Variants in ANO3 observed in about 807,000 individuals in gnomAD.
ANO3 encodes anoctamin-3.
Under a neutral mutation model 144.8 loss-of-function variants are expected in ANO3, and 99 were observed. The ratio of observed to expected loss-of-function variants is 0.68; its 90% confidence interval spans 0.58 to 0.81. ANO3 has a LOEUF of 0.81. Ranked by LOEUF, ANO3 falls within the 30% of genes least tolerant of loss-of-function variation. The pLI, the probability that ANO3 is intolerant of heterozygous loss-of-function variation, is 0.00. For missense variants in ANO3, 905 were observed against 1,202.2 expected (o/e 0.75, Z 3.66); for synonymous variants, 414 against 392.6 (o/e 1.05, Z -0.64).
At chr11:26,200,517 A>G (rs1226484801) in intron 1 of ANO3, among the ~76,000 whole-genome samples, 1 of 152,108 alleles carries the variant, frequency 6.6e-6, no homozygotes, top group African/African-American at 2.4e-5. Context: ...TCTGTGCCAC[A>G]CTGGGTTAAG....
intron 4 of ANO3, among the ~76,000 whole-genome samples, chr11:26,486,612 A>G (rs1413100468): frequency 6.6e-6 from 1 of 152,224 alleles, no homozygotes; most frequent in Non-Finnish European, 1.5e-5. Context: ...ACAAGAAGCT[A>G]TACAAGATAC....
At chr11:26,493,777 G>T (rs1216960243) in intron 4 of ANO3, among the ~76,000 whole-genome samples, 1 of 152,060 alleles carries the variant, frequency 6.6e-6, no homozygotes, top group Non-Finnish European at 1.5e-5. Flanking sequence ...CTTCTTGTTT[G>T]CAGCCCTCAG....
chr11:26,649,127 T>C (rs1565165781), intron 24 of ANO3, among the ~76,000 whole-genome samples: 1 of 152,136 alleles, frequency 6.6e-6, no homozygotes, highest in Non-Finnish European at 1.5e-5. Context: ...ATTTTAGAGA[T>C]AATTGAAAAT....
At chr11:26,355,221 T>A (rs1025914911) in intron 1 of ANO3, among the ~76,000 whole-genome samples, 1 of 152,146 alleles carries the variant, frequency 6.6e-6, no homozygotes, top group African/African-American at 2.4e-5. Context: ...AGCAGCTTAT[T>A]GAAAAACAGT....
chr11:26,641,935 G>T lies in ANO3; in HGVS notation c.2181G>T (p.Arg727=). ...GGTGGTCACGACATAAAATCAAGCG[G>T]GGAATACATGATGCTTCCATACCTC... ...QNWWSRHKIK[R]GIHDASIPQW... is the part of the protein sequence containing the mutation. Residue 727 remains arginine (R), a synonymous_variant, in exon 22 of 27, where the codon CGG becomes CGT. Transcript: ENST00000256737. 6.2e-7 allele frequency: 1 copy of T among 1,613,908 alleles called. No individual in the cohort carries two copies. Among genetic ancestry groups the T allele is most frequent in the Non-Finnish European group, 8.5e-7 (1 of 1,179,944 alleles).
At chr11:26,522,350 T>G (rs1035088752) in intron 6 of ANO3, among the ~76,000 whole-genome samples, 1 of 152,156 alleles carries the variant, frequency 6.6e-6, no homozygotes, top group African/African-American at 2.4e-5. Context: ...GGGTCAGGAT[T>G]TCACTCATTT....
chr11:26,550,036 T>C (rs983463524), intron 12 of ANO3, among the ~76,000 whole-genome samples: 1 of 151,706 alleles, frequency 6.6e-6, no homozygotes, highest in African/African-American at 2.4e-5. Flanking sequence ...CAGTTAGATA[T>C]CCCCATACAA....
intron 17 of ANO3, among the ~76,000 whole-genome samples, chr11:26,601,970 G>A (rs1010535885): frequency 6.6e-6 from 1 of 152,106 alleles, no homozygotes; most frequent in South Asian, 2.1e-4. Flanking sequence ...GAAGAATTCA[G>A]TGAAAAATGC....
At chr11:26,567,091 C>T in intron 14 of ANO3, 1 of 1,480,658 alleles carries the variant, frequency 6.8e-7, no homozygotes. Flanking sequence ...TGTATTATGC[C>T]CATTTTGCAG....
chr11:26,327,672 A>G (rs529155860), upstream of ANO3, among the ~76,000 whole-genome samples: 2 of 152,360 alleles, frequency 1.3e-5, no homozygotes, highest in East Asian at 3.9e-4. Flanking sequence ...TTTTTGTTTA[A>G]ATAAATTAAA....
intron 18 of ANO3, among the ~76,000 whole-genome samples, chr11:26,629,495 G>T (rs1178537816): frequency 6.6e-6 from 1 of 151,980 alleles, no homozygotes; most frequent in Non-Finnish European, 1.5e-5. Context: ...CAATCCTTAG[G>T]TACAAAGTTT....
At chr11:26,499,746 T>C (rs1455305697) in intron 4 of ANO3, among the ~76,000 whole-genome samples, 4 of 151,956 alleles carry the variant, frequency 2.6e-5, no homozygotes, top group Non-Finnish European at 5.9e-5. Context: ...TAAGATATAG[T>C]CTCATGCATT....
chr11:26,630,345 C>T (rs895358375), intron 18 of ANO3, among the ~76,000 whole-genome samples: 14 of 152,188 alleles, frequency 9.2e-5, no homozygotes, highest in Non-Finnish European at 1.8e-4. Context: ...ATTTGGAGTA[C>T]TTTACATCTT....
At chr11:26,292,215 T>C (rs1853975239) in intron 1 of ANO3, among the ~76,000 whole-genome samples, 1 of 152,192 alleles carries the variant, frequency 6.6e-6, no homozygotes, top group African/African-American at 2.4e-5. Context: ...TACTGACACT[T>C]GTGCATGCAT....
At chr11:26,466,609 A>T (rs1252667583) in intron 4 of ANO3, among the ~76,000 whole-genome samples, 2 of 152,132 alleles carry the variant, frequency 1.3e-5, no homozygotes, top group East Asian at 3.9e-4. Flanking sequence ...CCAGAGGCTC[A>T]TAAGCACAGT....
intron 4 of ANO3, among the ~76,000 whole-genome samples, chr11:26,470,356 G>A (rs1294799783): frequency 2.0e-5 from 3 of 150,770 alleles, no homozygotes; most frequent in Non-Finnish European, 4.4e-5. Flanking sequence ...AGGCTACAGT[G>A]AGCCATGGTT....
chr11:26,456,078 A>G (rs1174764549), intron 3 of ANO3, among the ~76,000 whole-genome samples: 2 of 151,914 alleles, frequency 1.3e-5, no homozygotes, highest in Admixed American at 6.6e-5. Flanking sequence ...TCAATTCAAG[A>G]TGGATTAAAG....
intron 1 of ANO3, among the ~76,000 whole-genome samples, chr11:26,367,011 A>G (rs187596605): frequency 1.3e-5 from 2 of 152,294 alleles, no homozygotes; most frequent in African/African-American, 4.8e-5. Context: ...TGGGGAAAGG[A>G]TTCTCTATTT....
chr11:26,344,595 G>A (rs935823943), intron 1 of ANO3, among the ~76,000 whole-genome samples: 1 of 151,994 alleles, frequency 6.6e-6, no homozygotes, highest in Non-Finnish European at 1.5e-5. Flanking sequence ...TTGATCTCCT[G>A]ACCTTGTGAT....
Sources: gnomAD v4.1 joint callset for allele counts (sites outside exome capture counted in the v4.1 genomes callset) on GRCh38, gnomAD v4.1.1 for gene constraint, MANE v1.5 for transcripts, NCBI Gene and HGNC (gene_info 2026-07-23, HGNC 2026-07-21) for gene names.